The following ADAMTSL1 variants were observed in gnomAD, a reference collection of about 807,000 sequenced individuals.
ADAMTSL1 encodes ADAMTS like 1.
Under a neutral mutation model 201.8 loss-of-function variants are expected in ADAMTSL1, and 126 were observed. That is an observed-to-expected ratio of 0.62 (90% confidence interval 0.54 to 0.72). ADAMTSL1 has a LOEUF of 0.72. ADAMTSL1 is among the 30% of genes least tolerant of loss of function. ADAMTSL1 has a pLI of 0.00. For missense variants in ADAMTSL1, 2,679 were observed against 2,277.8 expected, an observed-to-expected ratio of 1.18 and a Z score of -3.59; for synonymous variants, 1,121 against 903.4, an observed-to-expected ratio of 1.24 and a Z score of -4.32.
intron 2 of ADAMTSL1, among the ~76,000 whole-genome samples, chr9:18,337,130 G>A (rs532591625): frequency 6.6e-6 from 1 of 152,138 alleles, no homozygotes; most frequent in African/African-American, 2.4e-5. Context: ...CCTCAATCTG[G>A]GTGGGCACAA....
At chr9:18,309,122 G>C (rs1294186905) in intron 2 of ADAMTSL1, among the ~76,000 whole-genome samples, 3 of 151,752 alleles carry the variant, frequency 2.0e-5, no homozygotes, top group Non-Finnish European at 4.4e-5. Flanking sequence ...AAAAGCCTTG[G>C]ATAAAATTCA....
intron 1 of ADAMTSL1, among the ~76,000 whole-genome samples, chr9:18,022,141 C>T (rs542125314): frequency 4.5e-4 from 68 of 152,090 alleles, no homozygotes; most frequent in Non-Finnish European, 5.1e-4. Context: ...CACTGATCAC[C>T]ACCTTGAAGA....
At chr9:18,023,111 T>A (rs144485131) in intron 1 of ADAMTSL1, among the ~76,000 whole-genome samples, 2 of 151,576 alleles carry the variant, frequency 1.3e-5, no homozygotes, top group African/African-American at 2.4e-5. Flanking sequence ...AAATTGATGG[T>A]TTCTAGATCT....
intron 1 of ADAMTSL1, among the ~76,000 whole-genome samples, chr9:18,139,594 G>A (rs1293640094): frequency 6.6e-6 from 1 of 151,998 alleles, no homozygotes; most frequent in Non-Finnish European, 1.5e-5. Flanking sequence ...CAACTTTTAG[G>A]TATCCAAGAA....
chr9:18,311,181 A>G (rs998382124), intron 2 of ADAMTSL1, among the ~76,000 whole-genome samples: 9 of 151,926 alleles, frequency 5.9e-5, no homozygotes. Flanking sequence ...AGGGAGGGGA[A>G]CATCACATAC....
At chr9:18,784,903 C>T (rs938776040) in intron 19 of ADAMTSL1, among the ~76,000 whole-genome samples, 7 of 152,304 alleles carry the variant, frequency 4.6e-5, no homozygotes, top group Admixed American at 2.6e-4. Flanking sequence ...CGGTGGCTCA[C>T]GCCTGTAATC....
intron 2 of ADAMTSL1, among the ~76,000 whole-genome samples, chr9:18,367,867 G>T (rs1836844648): frequency 6.6e-6 from 1 of 151,828 alleles, no homozygotes; most frequent in Non-Finnish European, 1.5e-5. Flanking sequence ...CTCTGAAGAT[G>T]AAGGAGTCTT....
At chr9:18,592,812 A>C (rs1824011128) in intron 4 of ADAMTSL1, among the ~76,000 whole-genome samples, 1 of 152,202 alleles carries the variant, frequency 6.6e-6, no homozygotes, top group Non-Finnish European at 1.5e-5. Flanking sequence ...TGTTTTGAAT[A>C]GTATAGACAT....
At chr9:18,253,784 G>GATCT (rs1351529196) in intron 2 of ADAMTSL1, among the ~76,000 whole-genome samples, 5 of 152,098 alleles carry the variant, frequency 3.3e-5, no homozygotes, top group Non-Finnish European at 7.4e-5. Flanking sequence ...AATTTCCGGA[G>GATCT]ATCTCCCCTT....
chr9:18,251,820 A>G lies in ADAMTSL1; in HGVS notation c.207+87839A>G, dbSNP rs547047542. On this transcript the variant is annotated intron_variant, in intron 2 of 29. Coordinates refer to the ADAMTSL1 transcript ENST00000680146. ...AATATCCAGAAATAGTTTCAAATAT[A>G]TGTGAGAAATTAAAAATTGACAAGG... Among the ~76,000 whole-genome samples the G allele has an allele frequency of 1.5e-3, 223 of 152,322 alleles. 1 individual carries two copies. Among genetic ancestry groups the G allele is most frequent in the African/African-American group, 4.6e-3 (190 of 41,580 alleles).
At chr9:18,713,180 A>C (rs1055534331) in intron 14 of ADAMTSL1, among the ~76,000 whole-genome samples, 1 of 151,808 alleles carries the variant, frequency 6.6e-6, no homozygotes, top group African/African-American at 2.4e-5. Flanking sequence ...ACTGGGAAGA[A>C]ACTGCATCAA....
At chr9:18,640,911 G>A (rs192984283) in intron 7 of ADAMTSL1, among the ~76,000 whole-genome samples, 16 of 152,080 alleles carry the variant, frequency 1.1e-4, no homozygotes, top group East Asian at 3.9e-4. Flanking sequence ...TTCAGAGTGC[G>A]TTTCCTAAAA....
chr9:18,197,812 G>T (rs1033239143), intron 2 of ADAMTSL1, among the ~76,000 whole-genome samples: 4 of 151,870 alleles, frequency 2.6e-5, no homozygotes, highest in East Asian at 1.9e-4. Context: ...CAATCCTAAG[G>T]CAAAAGAACA....
At chr9:18,495,577 C>A (rs992099725) in intron 1 of ADAMTSL1, among the ~76,000 whole-genome samples, 2 of 152,144 alleles carry the variant, frequency 1.3e-5, no homozygotes, top group Non-Finnish European at 2.9e-5. Flanking sequence ...GCAAAATTTG[C>A]CAGAGTGTTC....
intron 1 of ADAMTSL1, 37 bp downstream of exon 1, chr9:18,474,332 A>G (rs1306296076): frequency 6.2e-7 from 1 of 1,609,750 alleles, no homozygotes. Context: ...TGCTATTGCC[A>G]TTGAGTCTGG....
chr9:18,326,113 T>C (rs940380336), intron 2 of ADAMTSL1, among the ~76,000 whole-genome samples: 2 of 152,146 alleles, frequency 1.3e-5, no homozygotes, highest in African/African-American at 4.8e-5. Context: ...GCCCCACCTC[T>C]TAATGCTGTC....
intron 1 of ADAMTSL1, among the ~76,000 whole-genome samples, chr9:18,001,796 G>T (rs1469940371): frequency 6.6e-6 from 1 of 152,014 alleles, no homozygotes; most frequent in African/African-American, 2.4e-5. Flanking sequence ...GCATCGCAGA[G>T]AGGGCCAGTA....
intron 9 of ADAMTSL1, among the ~76,000 whole-genome samples, chr9:18,673,016 G>A (rs1829921818): frequency 6.6e-6 from 1 of 152,266 alleles, no homozygotes; most frequent in African/African-American, 2.4e-5. Context: ...TGGAGAATGA[G>A]TTTTACCCCC....
chr9:18,655,819 A>AAAATAAAAAAATAAAAAT (rs1828613139), intron 7 of ADAMTSL1, among the ~76,000 whole-genome samples: 1 of 101,044 alleles, frequency 9.9e-6, no homozygotes, highest in Non-Finnish European at 2.5e-5. Context: ...AAAAAAAAAA[A>AAAATAAAAAAATAAAAAT]AAAAAAAAAA....
Sources: allele counts gnomAD v4.1 joint callset (sites outside exome capture counted in the v4.1 genomes callset), GRCh38; gene constraint gnomAD v4.1.1; transcripts MANE v1.5; gene names NCBI Gene and HGNC (gene_info 2026-07-23, HGNC 2026-07-21).